LHFPL3: variants seen among roughly 807,000 people sequenced by gnomAD.
LHFPL3 encodes the protein LHFPL tetraspan subfamily member 3 protein.
In LHFPL3, 5 loss-of-function variants were observed where a neutral mutation model predicts 19.3. The observed-to-expected ratio is 0.26, with a 90% CI of 0.14 to 0.54. The LOEUF is 0.54. Among genes scored for constraint, LHFPL3 ranks in the 20% least tolerant of loss-of-function variants. LHFPL3 has a pLI of 0.94. For missense variants in LHFPL3, 249 were observed against 307.4 expected (o/e 0.81, Z 1.42); for synonymous variants, 133 against 126.2 (o/e 1.05, Z -0.36).
intron 1 of LHFPL3, among the ~76,000 whole-genome samples, chr7:104,653,967 A>G (rs1792078871): frequency 6.6e-6 from 1 of 152,154 alleles, no homozygotes; most frequent in Non-Finnish European, 1.5e-5. Context: ...CCACTACTTA[A>G]GCTTAATTGG....
chr7:104,522,037 G>T (rs1174547151), intron 1 of LHFPL3, among the ~76,000 whole-genome samples: 1 of 151,972 alleles, frequency 6.6e-6, no homozygotes, highest in Non-Finnish European at 1.5e-5. Flanking sequence ...CCATTACTGG[G>T]TATATACCCA....
intron 1 of LHFPL3, among the ~76,000 whole-genome samples, chr7:104,658,769 G>A (rs930760044): frequency 6.6e-5 from 10 of 152,142 alleles, no homozygotes; most frequent in East Asian, 1.9e-4. Context: ...TAGCCTGGCC[G>A]ACAGAGCGAG....
chr7:104,819,836 A>G (rs573630927), intron 2 of LHFPL3, among the ~76,000 whole-genome samples: 1 of 152,338 alleles, frequency 6.6e-6, no homozygotes, highest in South Asian at 2.1e-4. Flanking sequence ...CAATTTATCA[A>G]GGCTTCAAAT....
intron 1 of LHFPL3, among the ~76,000 whole-genome samples, chr7:104,566,456 A>G (rs559851187): frequency 6.6e-6 from 1 of 152,326 alleles, no homozygotes; most frequent in African/African-American, 2.4e-5. Context: ...ATTCATGTTT[A>G]GGAAATGAGT....
intron 1 of LHFPL3, among the ~76,000 whole-genome samples, chr7:104,664,979 G>A (rs752150703): frequency 3.9e-5 from 6 of 152,116 alleles, no homozygotes; most frequent in African/African-American, 9.7e-5. Context: ...TATTACACAC[G>A]TAACAACTAT....
chr7:104,779,368 A>G (rs537367246), intron 2 of LHFPL3, among the ~76,000 whole-genome samples: 51 of 152,304 alleles, frequency 3.3e-4, no homozygotes, highest in African/African-American at 1.2e-3. Context: ...GAAATGACTT[A>G]TTTATTTTTG....
At position 104,868,448 on chromosome 7, in the gene LHFPL3, C is replaced by A. The variant is rs946801852; in HGVS notation, c.683-37739C>A. On this transcript the variant is annotated intron_variant, in intron 2 of 2. Coordinates refer to ENST00000424859, the MANE Select transcript of LHFPL3 (RefSeq NM_199000.3). Reference sequence around the variant, plus strand: ...TATACACCAATAACAGACAAACAGCCAAATCATGAGTGAACTCCCATTCAC... The same window carrying A: ...TATACACCAATAACAGACAAACAGCAAAATCATGAGTGAACTCCCATTCAC... Among the ~76,000 whole-genome samples, 36 of 151,596 alleles carry A rather than the reference C, an allele frequency of 2.4e-4. 1 individual carries two copies. Among genetic ancestry groups the A allele is most frequent in the African/African-American group, 8.2e-4 (34 of 41,302 alleles).
intron 1 of LHFPL3, among the ~76,000 whole-genome samples, chr7:104,708,688 C>A (rs989229080): frequency 1.3e-5 from 2 of 152,134 alleles, no homozygotes; most frequent in African/African-American, 4.8e-5. Context: ...CTTTACTTCT[C>A]TGACTGTCAG....
intron 1 of LHFPL3, among the ~76,000 whole-genome samples, chr7:104,521,995 T>G (rs1794073186): frequency 6.6e-6 from 1 of 152,078 alleles, no homozygotes; most frequent in Admixed American, 6.5e-5. Context: ...CTCAGGGATC[T>G]AGAACTGGAA....
At chr7:104,555,952 G>C (rs1329293255) in intron 1 of LHFPL3, among the ~76,000 whole-genome samples, 1 of 152,224 alleles carries the variant, frequency 6.6e-6, no homozygotes, top group Non-Finnish European at 1.5e-5. Flanking sequence ...ATCCAGCAGG[G>C]CAGTAAAATC....
chr7:104,766,109 T>G (rs1794452482), intron 2 of LHFPL3, among the ~76,000 whole-genome samples: 1 of 152,232 alleles, frequency 6.6e-6, no homozygotes, highest in Admixed American at 6.5e-5. Context: ...CATATGATGA[T>G]ACGGAATGAT....
At chr7:104,778,572 T>A (rs936529411) in intron 2 of LHFPL3, among the ~76,000 whole-genome samples, 3 of 152,178 alleles carry the variant, frequency 2.0e-5, no homozygotes, top group African/African-American at 7.2e-5. Flanking sequence ...CTGCAGGAAC[T>A]TCCTGAGCCC....
intron 1 of LHFPL3, among the ~76,000 whole-genome samples, chr7:104,510,448 G>T (rs933762467): frequency 2.6e-5 from 4 of 152,056 alleles, no homozygotes; most frequent in African/African-American, 9.7e-5. Context: ...TTTAACGGAT[G>T]GGCTTTTCAA....
intron 1 of LHFPL3, among the ~76,000 whole-genome samples, chr7:104,414,540 CTT>C (rs1791586793): frequency 6.6e-6 from 1 of 152,166 alleles, no homozygotes; most frequent in Non-Finnish European, 1.5e-5. Context: ...AAGGGAGACA[CTT>C]TGTGCAATCA....
At chr7:104,469,514 G>T (rs1375460203) in intron 1 of LHFPL3, among the ~76,000 whole-genome samples, 6 of 152,098 alleles carry the variant, frequency 3.9e-5, no homozygotes, top group East Asian at 1.9e-4. Context: ...TATTAACCAG[G>T]TTTAGCTAAA....
intron 1 of LHFPL3, among the ~76,000 whole-genome samples, 168 bp from the exon 2 acceptor site, chr7:104,736,507 C>CCCCA (rs1793824141): frequency 6.6e-6 from 1 of 150,642 alleles, no homozygotes; most frequent in African/African-American, 2.4e-5. Flanking sequence ...GTTTGCATGC[C>CCCCA]CACACACACA....
chr7:104,590,516 G>A lies in LHFPL3; in HGVS notation c.446-146159G>A, dbSNP rs534486568. On this transcript the variant is annotated intron_variant, in intron 1 of 2. Transcript: ENST00000424859. ...TTTCTGTTCTTTTACATTTACTGAG[G>A]AGTGCTTTACTTCCAACTATGTGGT... Among the ~76,000 whole-genome samples, 4 of 152,282 alleles carry A rather than the reference G, an allele frequency of 2.6e-5. No individual in the cohort carries two copies. In the South Asian group the frequency reaches 8.3e-4, roughly 32 times the overall value.
intron 1 of LHFPL3, among the ~76,000 whole-genome samples, chr7:104,670,292 G>A (rs563511815): frequency 6.6e-6 from 1 of 152,232 alleles, no homozygotes; most frequent in Admixed American, 6.5e-5. Context: ...AGGTAATAGG[G>A]GAAAATTGTG....
Position 104,338,093 on chromosome 7 carries a change from C to CTTTTTTTTT in LHFPL3, c.445+8884_445+8892dup, listed in dbSNP as rs71296520. ...TTATGATACCTTTATTTTCCTTTTT[C>CTTTTTTTTT]TTTTTTTTTTTTTTTTTTTTTTTGA... On this transcript the variant is annotated intron_variant, in intron 1 of 2. Transcript: ENST00000424859. Among the ~76,000 whole-genome samples the CTTTTTTTTT allele has an allele frequency of 2.7e-3, 228 of 85,836 alleles. 9 individuals carry two copies. The highest frequency in any genetic ancestry group is 6.7e-3 in the East Asian group (17 of 2,526). The allele number at this position is 85,836 out of a possible 152,430, so 56.3% of individuals were successfully genotyped here. A position where few individuals can be genotyped will look rare whatever the true frequency, so the allele number is the denominator to read the frequency against.
Sources: gnomAD v4.1 joint callset for allele counts (sites outside exome capture counted in the v4.1 genomes callset) on GRCh38, gnomAD v4.1.1 for gene constraint, MANE v1.5 for transcripts, NCBI Gene and HGNC (gene_info 2026-07-23, HGNC 2026-07-21) for gene names.